Variants in KIAA0513 observed in about 807,000 individuals in gnomAD.
The protein encoded by KIAA0513 is KIAA0513, also known as uncharacterized protein KIAA0513.
Under a neutral mutation model 56.5 loss-of-function variants are expected in KIAA0513, and 39 were observed. That is an observed-to-expected ratio of 0.69 (90% confidence interval 0.53 to 0.90). KIAA0513 has a LOEUF of 0.90. Ranked by LOEUF, KIAA0513 falls within the 40% of genes least tolerant of loss-of-function variation. KIAA0513 has a pLI of 0.00. For missense variants in KIAA0513, 591 were observed against 535.2 expected (o/e 1.10, Z -1.03); for synonymous variants, 268 against 215.6 (o/e 1.24, Z -2.13).
rs773535618 is a variant in KIAA0513, at chr16:85,067,092, C to T, written c.21C>T (p.Pro7=). ...GAGCCATGGAGACCCCAGAGGTCCC[C>T]GTGGGCTCGCTAATCGACTTTGGGC... METPEV[P]VGSLIDFGPE... is the part of the protein sequence containing the mutation. The change falls in exon 2 of 13, where the codon CCC becomes CCT. Residue 7 remains proline (P), a synonymous_variant. Coordinates refer to ENST00000683363, the MANE Select transcript of KIAA0513 (RefSeq NM_001388359.1). The T allele has an allele frequency of 1.9e-5, 31 of 1,592,242 alleles. No individual in the cohort carries two copies. Among genetic ancestry groups the T allele is most frequent in the South Asian group, 3.4e-5 (3 of 87,990 alleles).
intron 1 of KIAA0513, among the ~76,000 whole-genome samples, chr16:85,040,316 A>G (rs1304948979): frequency 1.3e-5 from 2 of 152,080 alleles, no homozygotes; most frequent in South Asian, 4.2e-4. Flanking sequence ...GTGCAAGGAC[A>G]GCCCCCACCA....
intron 10 of KIAA0513, among the ~76,000 whole-genome samples, chr16:85,083,399 G>T (rs898065818): frequency 6.6e-6 from 1 of 152,206 alleles, no homozygotes; most frequent in Non-Finnish European, 1.5e-5. Context: ...TTATTGTCAT[G>T]AGCAATCGTG....
At position 85,089,772 on chromosome 16, in the gene KIAA0513, G is replaced by A. The variant is rs983586542; in HGVS notation, c.*1447G>A. 4.6e-5 allele frequency: 7 copies of A among 152,164 alleles called. No homozygotes were observed. The highest frequency in any genetic ancestry group is 1.7e-4 in the African/African-American group (7 of 41,436). 9.4% of individuals were successfully genotyped at this position (152,164 alleles called of 1,614,324 possible). On this transcript the variant is annotated 3_prime_UTR_variant, in exon 13 of 13. Coordinates refer to ENST00000683363, the MANE Select transcript of KIAA0513 (RefSeq NM_001388359.1). The surrounding 1 kb of genome is among the most constrained non-coding windows in gnomAD (Gnocchi z 4.2). Reference sequence around the variant, plus strand: ...CACTTACCCGGCCACTGCTTGGAAGGTTTCCCTCCGGGGAATGCCTCCCTG... The same window carrying A: ...CACTTACCCGGCCACTGCTTGGAAGATTTCCCTCCGGGGAATGCCTCCCTG...
chr16:85,072,335 A>G (rs1219401107), intron 3 of KIAA0513, among the ~76,000 whole-genome samples: 1 of 152,234 alleles, frequency 6.6e-6, no homozygotes, highest in African/African-American at 2.4e-5. Context: ...CATGTGAATT[A>G]TGTGCGTGCA....
chr16:85,077,810 C>A (rs117831851), intron 6 of KIAA0513, among the ~76,000 whole-genome samples, 178 bp downstream of exon 6: 13 of 152,282 alleles, frequency 8.5e-5, no homozygotes, highest in Admixed American at 3.9e-4. Context: ...AAGCCCCCCC[C>A]ACTGACATGC....
chr16:85,056,501 T>G (rs1567530731), intron 1 of KIAA0513, among the ~76,000 whole-genome samples: 1 of 152,200 alleles, frequency 6.6e-6, no homozygotes, highest in East Asian at 1.9e-4. Context: ...TCCATGTGGG[T>G]CCCTCTCCAG....
At position 85,091,639 on chromosome 16, in the gene KIAA0513, C is replaced by T. The variant is rs2073868635; in HGVS notation, c.*3314C>T. 6.6e-6 allele frequency: 1 copy of T among 152,222 alleles called. No homozygotes were observed. 9.4% of individuals were successfully genotyped at this position (152,222 alleles called of 1,614,324 possible). A position where few individuals can be genotyped will look rare whatever the true frequency, so the allele number is the denominator to read the frequency against. ...GACATCACCAAGTCTCGTCTTCTTT[C>T]CTTCCTGTGAGTTGAAACCAAACAG... On this transcript the variant is annotated 3_prime_UTR_variant, in exon 13 of 13. Coordinates refer to ENST00000683363, the MANE Select transcript of KIAA0513 (RefSeq NM_001388359.1).
chr16:85,038,707 C>CAAAAAAAA (rs769470751), intron 1 of KIAA0513, among the ~76,000 whole-genome samples: 3 of 71,260 alleles, frequency 4.2e-5, no homozygotes, highest in African/African-American at 5.7e-5. Flanking sequence ...GACTCAGCCT[C>CAAAAAAAA]AAAAAAAAAA....
chr16:85,067,316 A>C lies in KIAA0513; in HGVS notation c.245A>C (p.Gln82Pro). 1 of 1,611,458 alleles carries C rather than the reference A, an allele frequency of 6.2e-7. No homozygotes were observed. The highest frequency in any genetic ancestry group is 1.1e-5 in the South Asian group (1 of 91,030). Residue 82 changes from glutamine to proline, a missense_variant, in exon 2 of 13, where the codon CAG becomes CCG. Transcript: ENST00000683363. ...SSSNESFSSNQSTESTQDEET... is the reference protein window; with the variant it reads ...SSSNESFSSNPSTESTQDEET... ...TCCAACGAGTCCTTCTCCTCCAACC[A>C]GAGCACCGAGTCTACCCAGGATGAA...
chr16:85,064,818 T>TG (rs1478524656), intron 1 of KIAA0513, among the ~76,000 whole-genome samples: 1 of 152,062 alleles, frequency 6.6e-6, no homozygotes, highest in African/African-American at 2.4e-5. Context: ...CCTGAGTAGC[T>TG]GGATTACAGG....
chr16:85,074,387 T>A (rs1307087629), intron 4 of KIAA0513, among the ~76,000 whole-genome samples: 9 of 151,150 alleles, frequency 6.0e-5, no homozygotes, highest in Non-Finnish European at 1.2e-4. Flanking sequence ...AGAGATGAAG[T>A]CATCAGGCTG....
intron 1 of KIAA0513, among the ~76,000 whole-genome samples, chr16:85,035,775 G>A (rs1024656783): frequency 6.6e-5 from 10 of 152,074 alleles, no homozygotes; most frequent in Non-Finnish European, 1.0e-4. Context: ...TCAGGAGATC[G>A]AGACCATCCT....
At chr16:85,065,910 C>A (rs1477486192) in intron 1 of KIAA0513, among the ~76,000 whole-genome samples, 2 of 152,186 alleles carry the variant, frequency 1.3e-5, no homozygotes, top group African/African-American at 2.4e-5. Context: ...TAGCCAGCTC[C>A]CCTGACCCTG....
chr16:85,058,600 C>G (rs771225540), intron 1 of KIAA0513, among the ~76,000 whole-genome samples: 4 of 149,450 alleles, frequency 2.7e-5, no homozygotes, highest in Non-Finnish European at 5.9e-5. Flanking sequence ...TGCGGTGAGC[C>G]AAGATTGCTC....
rs1056802921 is a variant in KIAA0513, at chr16:85,090,518, C to T, written c.*2193C>T. On this transcript the variant is annotated 3_prime_UTR_variant, in exon 13 of 13. Coordinates refer to ENST00000683363, the MANE Select transcript of KIAA0513 (RefSeq NM_001388359.1). ...GCGCTGACTTCGTTGGGCTTTTTTC[C>T]AAGCACTTTAACTTCAGAAATGGTC... The T allele has an allele frequency of 6.6e-6, 1 of 152,202 alleles. No homozygotes were observed. The highest frequency in any genetic ancestry group is 1.5e-5 in the Non-Finnish European group (1 of 68,032). 9.4% of individuals were successfully genotyped at this position (152,202 alleles called of 1,614,324 possible).
chr16:85,031,898 G>C (rs7202934), intron 1 of KIAA0513, among the ~76,000 whole-genome samples: 14,609 of 152,142 alleles, frequency 0.096, 1,251 homozygotes, highest in African/African-American at 0.22. Context: ...GCTTTTACTA[G>C]AGACGGTGAA....
At chr16:85,055,281 A>C (rs1162717634) in intron 1 of KIAA0513, among the ~76,000 whole-genome samples, 1 of 151,716 alleles carries the variant, frequency 6.6e-6, no homozygotes, top group Non-Finnish European at 1.5e-5. Flanking sequence ...AGGAGTGTCC[A>C]CTCTTGTCTC....
intron 1 of KIAA0513, among the ~76,000 whole-genome samples, chr16:85,028,343 C>T (rs1226706024): frequency 6.6e-6 from 1 of 152,014 alleles, no homozygotes; most frequent in Non-Finnish European, 1.5e-5. Context: ...TGCGTGTGTG[C>T]GGGGTGTGAA....
intron 7 of KIAA0513, 166 bp from the exon 8 acceptor site, chr16:85,078,759 A>C (rs1488757942): frequency 6.0e-5 from 14 of 232,366 alleles, no homozygotes; most frequent in Non-Finnish European, 9.2e-5. Context: ...GGGTGGGAAT[A>C]GCACCGTTAC....
Sources: allele counts gnomAD v4.1 joint callset (sites outside exome capture counted in the v4.1 genomes callset), GRCh38; gene constraint gnomAD v4.1.1; non-coding constraint Gnocchi (gnomAD v3.1); transcripts MANE v1.5; gene names NCBI Gene and HGNC (gene_info 2026-07-23, HGNC 2026-07-21).